The following RAB11FIP3 variants were observed in gnomAD, a reference collection of about 807,000 sequenced individuals.
The protein encoded by RAB11FIP3 is rab11 family-interacting protein 3.
Under a neutral mutation model 77.8 loss-of-function variants are expected in RAB11FIP3, and 17 were observed. The ratio of observed to expected loss-of-function variants is 0.22; its 90% CI spans 0.15 to 0.33. The LOEUF is 0.33. Among genes scored for constraint, RAB11FIP3 ranks in the 10% least tolerant of loss-of-function variants. The probability of loss-of-function intolerance (pLI) is 1.00; values close to 1 mark genes in which losing one functional copy is unlikely to be tolerated. For missense variants in RAB11FIP3, 1,005 were observed against 1,011.2 expected, an observed-to-expected ratio of 0.99 and a Z score of 0.08; for synonymous variants, 437 against 448.2, an observed-to-expected ratio of 0.98 and a Z score of 0.31.
At position 426,222 on chromosome 16, in the gene RAB11FIP3, C is replaced by G; in HGVS notation, c.216C>G (p.Ala72=). The stretch of plus-strand genomic sequence containing the variant: ...CAGATGGCGGGGCGCGTTGGAGCGC[C>G]GGGCCGGCCCCGGGGCTGGAGGGAG... ...AAADGGARWS[A]GPAPGLEGGP... Residue 72 remains alanine, a synonymous_variant, in exon 1 of 14, where the codon GCC becomes GCG. Coordinates refer to ENST00000262305, the MANE Select transcript of RAB11FIP3 (RefSeq NM_014700.4). The surrounding 1 kb of genome is among the most constrained non-coding windows in gnomAD (Gnocchi z 5.0). The G allele has an allele frequency of 9.7e-7, 1 of 1,027,946 alleles. No homozygotes were observed. The highest frequency in any genetic ancestry group is 1.2e-6 in the Non-Finnish European group (1 of 859,746). The allele number at this position is 1,027,946 out of a possible 1,614,324, so 63.7% of individuals were successfully genotyped here.
At chr16:468,222 GGGCGTC>G (rs1359432297) in intron 2 of RAB11FIP3, among the ~76,000 whole-genome samples, 1 of 139,776 alleles carries the variant, frequency 7.2e-6, no homozygotes, top group Non-Finnish European at 1.6e-5. Context: ...GGAGGTGCTG[GGGCGTC>G]AGGGAGGAGG....
intron 5 of RAB11FIP3, among the ~76,000 whole-genome samples, chr16:492,186 T>G (rs1004241379): frequency 6.6e-6 from 1 of 152,188 alleles, no homozygotes; most frequent in African/African-American, 2.4e-5. Context: ...TAGTTCCATT[T>G]CCAGGGCACT....
chr16:474,172 A>G (rs191861197), intron 3 of RAB11FIP3, among the ~76,000 whole-genome samples: 1 of 152,252 alleles, frequency 6.6e-6, no homozygotes, highest in East Asian at 1.9e-4. Flanking sequence ...TTCCATCCAG[A>G]TACCCTATTC....
rs2055838985 is a variant in RAB11FIP3 at position 473,163 on chromosome 16, CGAGGCACCA to C, written c.903+1775_903+1783del. On this transcript the variant is annotated intron_variant, in intron 3 of 13. Coordinates refer to ENST00000262305, the MANE Select transcript of RAB11FIP3 (RefSeq NM_014700.4). ...CAGGGAAACCTTGAGTGACGTTACT[CGAGGCACCA>C]AAGGCACCAGTGCATTTTATCCTTA... is the stretch of plus-strand genomic sequence containing the variant. 2.6e-5 allele frequency among the ~76,000 whole-genome samples: 4 copies of C among 152,158 alleles called. No homozygotes were observed. In the South Asian group the frequency reaches 8.3e-4, roughly 31 times the overall value.
At chr16:475,067 G>C in intron 3 of RAB11FIP3, 1 of 1,551,592 alleles carries the variant, frequency 6.4e-7, no homozygotes, top group Non-Finnish European at 8.7e-7. Flanking sequence ...GCCAGGCCCA[G>C]CCTGTGAGGC....
rs1340189491 is a variant in RAB11FIP3, at chr16:491,293, C to A, written c.1265+2293C>A. 5.4e-6 allele frequency: 7 copies of A among 1,299,452 alleles called. No homozygotes were observed. The African/African-American group carries it at 9.1e-5, about 17-fold the overall frequency. 80.5% of individuals were successfully genotyped at this position (1,299,452 alleles called of 1,614,324 possible). A position where few individuals can be genotyped will look rare whatever the true frequency, so the allele number is the denominator to read the frequency against. On this transcript the variant is annotated intron_variant, in intron 5 of 13. Transcript: ENST00000262305. ...GGTAACTGACCAGCGCCTGGCCTTG[C>A]TGTCTGTTCCCAGGGTGTGGGGGAC...
chr16:447,007 A>T (rs1179453976), intron 1 of RAB11FIP3, among the ~76,000 whole-genome samples: 1 of 151,110 alleles, frequency 6.6e-6, no homozygotes, highest in East Asian at 2.0e-4. Context: ...CTTTAAAAAC[A>T]TTTTTTTAAG....
At chr16:519,512 C>G (rs568018343) in intron 10 of RAB11FIP3, among the ~76,000 whole-genome samples, 1 of 152,258 alleles carries the variant, frequency 6.6e-6, no homozygotes, top group African/African-American at 2.4e-5. Flanking sequence ...CACAAAGGTC[C>G]TTCCTGCCCC....
At chr16:490,421 G>A in intron 5 of RAB11FIP3, among the ~76,000 whole-genome samples, 1 of 152,090 alleles carries the variant, frequency 6.6e-6, no homozygotes, top group South Asian at 2.1e-4. Flanking sequence ...GGCTGGAGTG[G>A]TGCAATCATG....
chr16:447,189 C>T (rs2055331294), intron 1 of RAB11FIP3, among the ~76,000 whole-genome samples: 1 of 152,086 alleles, frequency 6.6e-6, no homozygotes, highest in African/African-American at 2.4e-5. Flanking sequence ...CCTGTAGTTC[C>T]AGCTACTTGG....
chr16:473,234 A>G (rs2055840198), intron 3 of RAB11FIP3, among the ~76,000 whole-genome samples: 1 of 152,166 alleles, frequency 6.6e-6, no homozygotes, highest in African/African-American at 2.4e-5. Context: ...GCCGAGCCTC[A>G]CGCTTGTCAC....
chr16:452,655 C>T (rs1315256505), intron 1 of RAB11FIP3, among the ~76,000 whole-genome samples: 1 of 114,798 alleles, frequency 8.7e-6, no homozygotes, highest in East Asian at 2.8e-4. Flanking sequence ...AGGATGGTCT[C>T]GATCTCCTGA....
intron 6 of RAB11FIP3, chr16:497,347 C>T: frequency 3.8e-6 from 5 of 1,303,808 alleles, no homozygotes; most frequent in African/African-American, 1.5e-5. Context: ...ACACTTTTAT[C>T]TTCCTCCCCT....
rs1157159321 is a variant in RAB11FIP3, at chr16:472,818, C to T, written c.903+1429C>T. ...GCCTTATTTGGAAAAAGGGTCTTTG[C>T]GGATGTAGTTCATTAAGGATCTCAA... is the stretch of plus-strand genomic sequence containing the variant. On this transcript the variant is annotated intron_variant, in intron 3 of 13. Coordinates refer to ENST00000262305, the MANE Select transcript of RAB11FIP3 (RefSeq NM_014700.4). The surrounding 1 kb of genome is among the most constrained non-coding windows in gnomAD (Gnocchi z 4.1). Among the ~76,000 whole-genome samples the T allele has an allele frequency of 1.3e-5, 2 of 152,098 alleles. No homozygotes were observed. The highest frequency in any genetic ancestry group is 2.4e-5 in the African/African-American group (1 of 41,434).
chr16:502,909 C>T (rs2031609630), intron 6 of RAB11FIP3, 95 bp from the exon 7 acceptor site: 1 of 1,009,826 alleles, frequency 9.9e-7, no homozygotes, highest in Non-Finnish European at 1.6e-6. Context: ...AATGCTGCTG[C>T]CTGCTTTTCA....
intron 1 of RAB11FIP3, chr16:439,271 A>G (rs2055185990): frequency 6.6e-6 from 1 of 152,216 alleles, no homozygotes; most frequent in African/African-American, 2.4e-5. Context: ...TCATGCTTGT[A>G]TCTGTCCGTC....
intron 1 of RAB11FIP3, among the ~76,000 whole-genome samples, chr16:449,409 C>T (rs574749269): frequency 2.2e-4 from 33 of 152,220 alleles, no homozygotes; most frequent in African/African-American, 7.9e-4. Context: ...CCCTCAGGTT[C>T]AACCACATGG....
intron 2 of RAB11FIP3, among the ~76,000 whole-genome samples, chr16:466,555 C>T (rs557096531): frequency 1.3e-5 from 2 of 152,324 alleles, no homozygotes; most frequent in East Asian, 1.9e-4. Flanking sequence ...CTGCTGCCCT[C>T]GGAGGAGCCC....
At chr16:497,397 T>C (rs2031227526) in intron 6 of RAB11FIP3, 1 of 1,281,998 alleles carries the variant, frequency 7.8e-7, no homozygotes, top group Non-Finnish European at 1.0e-6. Context: ...GTTAAGGCCC[T>C]TCCCAGGGAG....
Sources: allele counts gnomAD v4.1 joint callset (sites outside exome capture counted in the v4.1 genomes callset), GRCh38; gene constraint gnomAD v4.1.1; non-coding constraint Gnocchi (gnomAD v3.1); transcripts MANE v1.5; gene names NCBI Gene and HGNC (gene_info 2026-07-23, HGNC 2026-07-21).